Variants in KCNQ3 observed in about 807,000 individuals in gnomAD.
The protein encoded by KCNQ3 is potassium voltage-gated channel subfamily Q member 3.
In KCNQ3, 30 loss-of-function variants were observed where a neutral mutation model predicts 92.5. The ratio of observed to expected loss-of-function variants is 0.32; its 90% CI spans 0.24 to 0.44. The LOEUF is 0.44. KCNQ3 is among the 20% of genes least tolerant of loss of function. The probability of loss-of-function intolerance (pLI) is 1.00; values close to 1 mark genes in which losing one functional copy is unlikely to be tolerated. For synonymous variants in KCNQ3, 450 were observed against 468.8 expected, an observed-to-expected ratio of 0.96 and a Z score of 0.52; for missense variants, 913 against 1,140.3, an observed-to-expected ratio of 0.80 and a Z score of 2.87.
At chr8:132,467,341 T>C (rs1822196851) in intron 1 of KCNQ3, among the ~76,000 whole-genome samples, 1 of 152,146 alleles carries the variant, frequency 6.6e-6, no homozygotes, top group South Asian at 2.1e-4. Context: ...TCTCCATGAA[T>C]GGAACAAACA....
At chr8:132,411,821 G>A (rs1466505183) in intron 1 of KCNQ3, among the ~76,000 whole-genome samples, 1 of 152,164 alleles carries the variant, frequency 6.6e-6, no homozygotes, top group East Asian at 1.9e-4. Flanking sequence ...GTGGGCTGCC[G>A]AGGTTTCTTT....
rs547054566 is a variant in KCNQ3, at chr8:132,134,535, G to A, written c.1701-147C>T. The stretch of plus-strand genomic sequence containing the variant: ...GAGAGGAGAAGTGAGGAGAGGAGAG[G>A]GGAGGAGAGGAGAAGTGAGGAGAGG... On this transcript the variant is annotated intron_variant, in intron 12 of 14. Coordinates refer to ENST00000388996, the MANE Select transcript of KCNQ3 (RefSeq NM_004519.4). 7 of 648,628 alleles carry A rather than the reference G, an allele frequency of 1.1e-5. No homozygotes were observed. In the African/African-American group the frequency reaches 1.3e-4, roughly 12 times the overall value. The allele number at this position is 648,628 out of a possible 1,614,324, so 40.2% of individuals were successfully genotyped here.
intron 1 of KCNQ3, among the ~76,000 whole-genome samples, chr8:132,476,557 G>T (rs1822416994): frequency 6.6e-6 from 1 of 152,196 alleles, no homozygotes; most frequent in African/African-American, 2.4e-5. Context: ...TGCATGCCCT[G>T]CTGGGTTACA....
rs1239807535 is a variant in KCNQ3 at position 132,121,460 on chromosome 8, C to A, written c.*7802G>T. ...CTCTGATCCTTGGCAAAATGGCTGC[C>A]CCAAATCTTGCAACTTGGCCACCAC... On this transcript the variant is annotated 3_prime_UTR_variant, in exon 15 of 15. Coordinates refer to ENST00000388996, the MANE Select transcript of KCNQ3 (RefSeq NM_004519.4). 6.6e-6 allele frequency: 1 copy of A among 152,170 alleles called. No homozygotes were observed. The highest frequency in any genetic ancestry group is 1.5e-5 in the Non-Finnish European group (1 of 68,058). The allele number at this position is 152,170 out of a possible 1,614,324, so 9.4% of individuals were successfully genotyped here.
chr8:132,158,228 A>T (rs144190496), intron 9 of KCNQ3, among the ~76,000 whole-genome samples: 65 of 152,286 alleles, frequency 4.3e-4, no homozygotes, highest in Non-Finnish European at 8.7e-4. Context: ...CAATTTCCTC[A>T]TCAGTAAAAT....
intron 1 of KCNQ3, among the ~76,000 whole-genome samples, chr8:132,356,702 G>A (rs115550798): frequency 5.8e-4 from 89 of 152,310 alleles, no homozygotes; most frequent in African/African-American, 2.1e-3. Flanking sequence ...GAGGGAAAGG[G>A]ACTGTGATTA....
At chr8:132,188,289 G>T (rs1453043520) in intron 1 of KCNQ3, among the ~76,000 whole-genome samples, 1 of 152,176 alleles carries the variant, frequency 6.6e-6, no homozygotes, top group Non-Finnish European at 1.5e-5. Context: ...GGATCATGGT[G>T]CTCTCATACA....
At chr8:132,271,084 G>A (rs771569219) in intron 1 of KCNQ3, among the ~76,000 whole-genome samples, 12 of 152,322 alleles carry the variant, frequency 7.9e-5, no homozygotes, top group Middle Eastern at 3.4e-3. Context: ...ACTCTTCTAG[G>A]CACTGCAGAT....
intron 1 of KCNQ3, among the ~76,000 whole-genome samples, chr8:132,435,797 A>G (rs1367532395): frequency 6.6e-6 from 1 of 152,116 alleles, no homozygotes; most frequent in African/African-American, 2.4e-5. Flanking sequence ...CAATCCTCCC[A>G]AAGTGCTGGG....
Position 132,391,396 on chromosome 8 carries a change from T to C in KCNQ3, c.386+88751A>G, listed in dbSNP as rs189349124. On this transcript the variant is annotated intron_variant, in intron 1 of 14. Coordinates refer to ENST00000388996, the MANE Select transcript of KCNQ3 (RefSeq NM_004519.4). Reference sequence around the variant, plus strand: ...AGACAGCTGTCTCGCTTCTTCAAGATGTTTTGGTGAGGCGACGCCGAGAAG... The same window carrying C: ...AGACAGCTGTCTCGCTTCTTCAAGACGTTTTGGTGAGGCGACGCCGAGAAG... Among the ~76,000 whole-genome samples the C allele has an allele frequency of 3.3e-5, 5 of 151,704 alleles. No individual in the cohort carries two copies. In the East Asian group the frequency reaches 9.7e-4, roughly 29 times the overall value.
intron 9 of KCNQ3, among the ~76,000 whole-genome samples, chr8:132,150,717 A>G (rs1329447160): frequency 1.3e-5 from 2 of 151,918 alleles, no homozygotes; most frequent in Non-Finnish European, 2.9e-5. Context: ...TGTTTTCTTC[A>G]TGGAACCCCA....
chr8:132,136,725 T>C (rs1825108479), intron 12 of KCNQ3, among the ~76,000 whole-genome samples: 1 of 152,216 alleles, frequency 6.6e-6, no homozygotes, highest in South Asian at 2.1e-4. Flanking sequence ...TATAGATATA[T>C]ACATATGCAT....
intron 1 of KCNQ3, among the ~76,000 whole-genome samples, chr8:132,219,630 CTT>C (rs907406428): frequency 5.4e-5 from 8 of 147,282 alleles, no homozygotes; most frequent in South Asian, 2.2e-4. Flanking sequence ...CTCCTTGAAT[CTT>C]TTTTTTTTTC....
rs1824530310 is a variant in KCNQ3 at position 132,122,897 on chromosome 8, TA to T, written c.*6364del. 1 of 152,194 alleles carries T rather than the reference TA, an allele frequency of 6.6e-6. No individual in the cohort carries two copies. The highest frequency in any genetic ancestry group is 2.1e-4 in the South Asian group (1 of 4,832). The allele number at this position is 152,194 out of a possible 1,614,324, so 9.4% of individuals were successfully genotyped here. ...AAATAATCTCTTAGTTACATAACCA[TA>T]AGATGTCCTAAGTTGAGTCCTGTCT... On this transcript the variant is annotated 3_prime_UTR_variant, in exon 15 of 15. Coordinates refer to ENST00000388996, the MANE Select transcript of KCNQ3 (RefSeq NM_004519.4).
At chr8:132,154,511 TATCC>T (rs1333842082) in intron 9 of KCNQ3, among the ~76,000 whole-genome samples, 1 of 152,160 alleles carries the variant, frequency 6.6e-6, no homozygotes, top group African/African-American at 2.4e-5. Flanking sequence ...TCTTCATCCT[TATCC>T]TTATCCTTAT....
intron 9 of KCNQ3, among the ~76,000 whole-genome samples, chr8:132,142,523 T>C (rs1441041483): frequency 6.6e-6 from 1 of 152,158 alleles, no homozygotes; most frequent in Non-Finnish European, 1.5e-5. Flanking sequence ...CCCCTTACCC[T>C]AGTGAGCACG....
At chr8:132,397,601 G>A (rs1344551466) in intron 1 of KCNQ3, among the ~76,000 whole-genome samples, 1 of 152,194 alleles carries the variant, frequency 6.6e-6, no homozygotes, top group African/African-American at 2.4e-5. Context: ...ATGTTTTACA[G>A]AGACCATCAG....
intron 7 of KCNQ3, among the ~76,000 whole-genome samples, 189 bp downstream of exon 7, chr8:132,172,397 TACACACACACAC>T (rs35831322): frequency 2.0e-4 from 28 of 140,484 alleles, no homozygotes; most frequent in African/African-American, 6.6e-4. Context: ...GGCACATTAA[TACACACACACAC>T]ACACACACAC....
chr8:132,445,349 T>C (rs1821648099), intron 1 of KCNQ3, among the ~76,000 whole-genome samples: 1 of 152,142 alleles, frequency 6.6e-6, no homozygotes, highest in South Asian at 2.1e-4. Context: ...CAGGTCTCCA[T>C]GGCCCAGGGC....
Sources: gnomAD v4.1 joint callset for allele counts (sites outside exome capture counted in the v4.1 genomes callset) on GRCh38, gnomAD v4.1.1 for gene constraint, MANE v1.5 for transcripts, NCBI Gene and HGNC (gene_info 2026-07-23, HGNC 2026-07-21) for gene names.